Variants in CSGALNACT1 observed in about 807,000 individuals in gnomAD.
The protein encoded by CSGALNACT1 is chondroitin sulfate N-acetylgalactosaminyltransferase 1.
Under a neutral mutation model 51.0 loss-of-function variants are expected in CSGALNACT1, and 52 were observed. The observed-to-expected ratio is 1.02, with a 90% confidence interval of 0.82 to 1.29. The LOEUF is 1.29. Ranked by LOEUF, CSGALNACT1 falls within the 50% of genes most tolerant of loss-of-function variation. The pLI is 0.00. For missense variants in CSGALNACT1, 935 were observed against 679.2 expected, an observed-to-expected ratio of 1.38 and a Z score of -4.19; for synonymous variants, 341 against 254.4, an observed-to-expected ratio of 1.34 and a Z score of -3.24.
chr8:19,586,452 T>C (rs1264600555), intron 3 of CSGALNACT1, among the ~76,000 whole-genome samples: 1 of 150,988 alleles, frequency 6.6e-6, no homozygotes, highest in Non-Finnish European at 1.5e-5. Context: ...CAACTCTTCC[T>C]AATGTAGTGA....
At position 19,555,584 on chromosome 8, in the gene CSGALNACT1, C is replaced by T. The variant is rs530752855; in HGVS notation, c.-297+35576G>A. On this transcript the variant is annotated intron_variant, in intron 3 of 9. Transcript: ENST00000454498. Reference sequence around the variant, plus strand: ...AAATAAACAAACAAAAAAACAAGAACTTGACACTGGCTCAACTGGAAACAC... The same window carrying T: ...AAATAAACAAACAAAAAAACAAGAATTTGACACTGGCTCAACTGGAAACAC... Among the ~76,000 whole-genome samples the T allele has an allele frequency of 3.1e-3, 477 of 152,274 alleles. 2 individuals carry two copies. The highest frequency in any genetic ancestry group is 0.011 in the African/African-American group (459 of 41,550).
chr8:19,467,013 A>T (rs1048350237), intron 4 of CSGALNACT1, among the ~76,000 whole-genome samples: 5 of 151,814 alleles, frequency 3.3e-5, no homozygotes, highest in African/African-American at 1.2e-4. Flanking sequence ...TCATAGATGC[A>T]GGCTGACAAA....
Position 19,568,438 on chromosome 8 carries a change from G to A in CSGALNACT1, c.-297+22722C>T, listed in dbSNP as rs115300609. Reference sequence around the variant, plus strand: ...ATCATTGACCCAGACATCATTATGCGGTGCATGGCTGTATAAGAATTCTGA... The same window carrying A: ...ATCATTGACCCAGACATCATTATGCAGTGCATGGCTGTATAAGAATTCTGA... On this transcript the variant is annotated intron_variant, in intron 3 of 9. Coordinates refer to ENST00000454498, the Ensembl canonical transcript of CSGALNACT1. Among the ~76,000 whole-genome samples, 746 of 152,130 alleles carry A rather than the reference G, an allele frequency of 4.9e-3. 10 individuals carry two copies. Among genetic ancestry groups the A allele is most frequent in the African/African-American group, 0.015 (627 of 41,488 alleles).
intron 1 of CSGALNACT1, among the ~76,000 whole-genome samples, chr8:19,635,579 T>A (rs1366429641): frequency 6.6e-6 from 1 of 152,054 alleles, no homozygotes; most frequent in Admixed American, 6.6e-5. Context: ...ACTTAACTGC[T>A]CCTCCCCTCA....
At chr8:19,481,678 T>C (rs1014061885) in intron 4 of CSGALNACT1, among the ~76,000 whole-genome samples, 1 of 152,156 alleles carries the variant, frequency 6.6e-6, no homozygotes, top group Non-Finnish European at 1.5e-5. Context: ...GTCGTTTCTG[T>C]ATCCTCAATG....
intron 8 of CSGALNACT1, among the ~76,000 whole-genome samples, 156 bp downstream of exon 7, chr8:19,418,500 C>G (rs75475019): frequency 6.6e-6 from 1 of 152,166 alleles, no homozygotes; most frequent in African/African-American, 2.4e-5. Flanking sequence ...ATCAACGAGG[C>G]GCCGGGAGCA....
In CSGALNACT1 at chr8:19,600,995, C is replaced by T. The variant is rs139196661; in HGVS notation, c.-416+776G>A. Among the ~76,000 whole-genome samples the T allele has an allele frequency of 5.2e-3, 785 of 152,082 alleles. 5 individuals are homozygous for T. The highest frequency in any genetic ancestry group is 0.017 in the African/African-American group (726 of 41,528). Reference sequence around the variant, plus strand: ...TTCTAGAAAAAAAAAAGACTCTCTGCTGAAGCTTGGAACCATATATACAGC... The same window carrying T: ...TTCTAGAAAAAAAAAAGACTCTCTGTTGAAGCTTGGAACCATATATACAGC... On this transcript the variant is annotated intron_variant, in intron 2 of 9. Transcript: ENST00000454498.
chr8:19,735,366 A>G (rs1415994469), intron 1 of CSGALNACT1, among the ~76,000 whole-genome samples: 2 of 152,206 alleles, frequency 1.3e-5, no homozygotes, highest in African/African-American at 2.4e-5. Context: ...AGAAATAAAT[A>G]TAAGTCCTCT....
rs564562640 is a variant in CSGALNACT1 at position 19,635,485 on chromosome 8, G to C, written c.-543-33620C>G. ...CGCCGCATACATGTGGCATCTGTTA[G>C]TGTCAGGGGCTTAGGGGTGAACCTC... On this transcript the variant is annotated intron_variant, in intron 1 of 9. Transcript: ENST00000332246. 1.3e-3 allele frequency among the ~76,000 whole-genome samples: 201 copies of C among 152,324 alleles called. 1 individual carries two copies. The highest frequency in any genetic ancestry group is 6.8e-3 in the Middle Eastern group (2 of 294).
At chr8:19,460,475 G>C (rs2065116856) in intron 4 of CSGALNACT1, among the ~76,000 whole-genome samples, 2 of 152,230 alleles carry the variant, frequency 1.3e-5, no homozygotes, top group African/African-American at 4.8e-5. Flanking sequence ...CTGTTGTCTT[G>C]GAATGTATCC....
intron 3 of CSGALNACT1, among the ~76,000 whole-genome samples, chr8:19,577,410 A>G (rs1031511494): frequency 1.3e-5 from 2 of 151,680 alleles, no homozygotes; most frequent in African/African-American, 4.9e-5. Context: ...ACAAAAAAAA[A>G]AAAAGCCTAG....
chr8:19,706,892 G>A (rs974963628), intron 1 of CSGALNACT1, among the ~76,000 whole-genome samples: 7 of 152,282 alleles, frequency 4.6e-5, no homozygotes, highest in African/African-American at 1.7e-4. Flanking sequence ...CTCCCAAAGT[G>A]CTGAGATTAC....
At chr8:19,574,280 C>T (rs1251637919) in intron 3 of CSGALNACT1, among the ~76,000 whole-genome samples, 1 of 152,190 alleles carries the variant, frequency 6.6e-6, no homozygotes, top group Non-Finnish European at 1.5e-5. Flanking sequence ...ATTCTCAGTC[C>T]TGGAAACCAT....
At chr8:19,614,582 A>T (rs556018014) in intron 1 of CSGALNACT1, among the ~76,000 whole-genome samples, 9 of 152,222 alleles carry the variant, frequency 5.9e-5, no homozygotes, top group African/African-American at 7.2e-5. Context: ...AAGATAAAAA[A>T]TTTTTTTTCA....
intron 1 of CSGALNACT1, among the ~76,000 whole-genome samples, chr8:19,638,101 C>G (rs1248273749): frequency 6.8e-6 from 1 of 147,646 alleles, no homozygotes; most frequent in Non-Finnish European, 1.5e-5. Context: ...TCTCTTGAAA[C>G]CAACGACTGT....
upstream of CSGALNACT1, among the ~76,000 whole-genome samples, chr8:19,606,100 T>A (rs1247795315): frequency 6.6e-6 from 1 of 152,196 alleles, no homozygotes; most frequent in African/African-American, 2.4e-5. Context: ...TCAGACACAC[T>A]GATTCTCAAA....
At chr8:19,457,658 A>C (rs1031448166) in intron 5 of CSGALNACT1, 20 of 1,289,560 alleles carry the variant, frequency 1.6e-5, no homozygotes, top group Non-Finnish European at 2.0e-5. Flanking sequence ...AAGATTTATA[A>C]TTAGACAGTA....
chr8:19,435,634 C>A (rs2060262087), intron 6 of CSGALNACT1, among the ~76,000 whole-genome samples: 1 of 152,126 alleles, frequency 6.6e-6, no homozygotes, highest in Non-Finnish European at 1.5e-5. Flanking sequence ...ATCTCAGGCC[C>A]ACTGATTCAG....
chr8:19,444,293 A>G (rs4633072), intron 5 of CSGALNACT1, among the ~76,000 whole-genome samples: 150,315 of 152,364 alleles, frequency 0.99, 74,180 homozygotes, highest in East Asian at 1. Flanking sequence ...GTTCTGTATC[A>G]TCTAGGGAAT....
Sources: gnomAD v4.1 joint callset for allele counts (sites outside exome capture counted in the v4.1 genomes callset) on GRCh38, gnomAD v4.1.1 for gene constraint, MANE v1.5 for transcripts, NCBI Gene and HGNC (gene_info 2026-07-23, HGNC 2026-07-21) for gene names.